The following KCNAB1 variants were observed in gnomAD, a reference collection of about 807,000 sequenced individuals.
KCNAB1 encodes the protein voltage-gated potassium channel subunit beta-1.
In KCNAB1, 35 loss-of-function variants were observed where a neutral mutation model predicts 64.6. The ratio of observed to expected loss-of-function variants is 0.54; its 90% CI spans 0.41 to 0.72. KCNAB1 has a LOEUF of 0.72. KCNAB1 is among the 30% of genes least tolerant of loss of function. The pLI, the probability that KCNAB1 is intolerant of heterozygous loss-of-function variation, is 0.00. For synonymous variants in KCNAB1, 177 were observed against 183.8 expected (o/e 0.96, Z 0.30); for missense variants, 401 against 512.9 (o/e 0.78, Z 2.11).
intron 8 of KCNAB1, among the ~76,000 whole-genome samples, chr3:156,495,325 T>A (rs1715936218): frequency 6.6e-6 from 1 of 152,124 alleles, no homozygotes. Context: ...GCATGGCAAT[T>A]TCTCAAAGAC....
chr3:156,223,054 C>G (rs901540547), intron 1 of KCNAB1, among the ~76,000 whole-genome samples: 1 of 152,184 alleles, frequency 6.6e-6, no homozygotes, highest in Non-Finnish European at 1.5e-5. Flanking sequence ...AATGAAGCCA[C>G]GGACCCTCAC....
chr3:156,291,997 C>T (rs79750297), intron 1 of KCNAB1: 6 of 1,614,056 alleles, frequency 3.7e-6, no homozygotes, highest in African/African-American at 1.3e-5. Context: ...CCACCGCCCC[C>T]AATGTGGTGA....
chr3:156,525,841 A>G (rs1028080222), intron 12 of KCNAB1, among the ~76,000 whole-genome samples: 1 of 152,252 alleles, frequency 6.6e-6, no homozygotes, highest in Non-Finnish European at 1.5e-5. Context: ...AAAAGTTTAT[A>G]AAGTAAAAAT....
At chr3:156,291,330 G>C in intron 1 of KCNAB1, 1 of 989,648 alleles carries the variant, frequency 1.0e-6, no homozygotes, top group Non-Finnish European at 1.2e-6. Flanking sequence ...CTGACAGCCG[G>C]AGTGGATGGA....
chr3:156,135,357 G>C (rs538289845), intron 1 of KCNAB1, among the ~76,000 whole-genome samples: 1 of 152,138 alleles, frequency 6.6e-6, no homozygotes, highest in African/African-American at 2.4e-5. Flanking sequence ...AACTCAGAGA[G>C]TATTCAAATC....
chr3:156,148,701 C>A (rs190855700), intron 1 of KCNAB1, among the ~76,000 whole-genome samples: 3 of 152,298 alleles, frequency 2.0e-5, no homozygotes, highest in East Asian at 3.9e-4. Context: ...TTTAACCAAT[C>A]CTAGTAATCT....
chr3:156,361,144 C>T (rs181705327), intron 1 of KCNAB1, among the ~76,000 whole-genome samples: 120 of 152,242 alleles, frequency 7.9e-4, no homozygotes, highest in African/African-American at 2.7e-3. Flanking sequence ...CTTTACCGCC[C>T]TCATCATTCT....
At chr3:156,451,304 T>C (rs1711987344) in intron 2 of KCNAB1, among the ~76,000 whole-genome samples, 1 of 152,258 alleles carries the variant, frequency 6.6e-6, no homozygotes, top group Admixed American at 6.5e-5. Context: ...AAACAATTTA[T>C]ACCCTACTTT....
intron 1 of KCNAB1, among the ~76,000 whole-genome samples, chr3:156,337,420 C>T (rs1477756240): frequency 6.6e-6 from 1 of 151,878 alleles, no homozygotes; most frequent in Non-Finnish European, 1.5e-5. Flanking sequence ...CTGTATCTTC[C>T]TCCTCATTCC....
chr3:156,325,943 C>G (rs1722946443), intron 1 of KCNAB1, among the ~76,000 whole-genome samples: 1 of 152,090 alleles, frequency 6.6e-6, no homozygotes, highest in Non-Finnish European at 1.5e-5. Flanking sequence ...AAAAAGGATA[C>G]CCATAAGATA....
chr3:156,204,596 C>T (rs986338927), intron 1 of KCNAB1, among the ~76,000 whole-genome samples: 7 of 151,460 alleles, frequency 4.6e-5, no homozygotes, highest in African/African-American at 4.9e-5. Context: ...TTTGGGAGGC[C>T]GAGGCGGGTG....
At chr3:156,482,910 CAGGTTATCCTAG>C (rs1403231180) in intron 8 of KCNAB1, among the ~76,000 whole-genome samples, 2 of 152,034 alleles carry the variant, frequency 1.3e-5, no homozygotes, top group African/African-American at 2.4e-5. Context: ...GGTCTACTAC[CAGGTTATCCTAG>C]AGGTCTCAAA....
chr3:156,360,129 A>C (rs1247364078), intron 1 of KCNAB1, among the ~76,000 whole-genome samples: 2 of 152,270 alleles, frequency 1.3e-5, no homozygotes, highest in African/African-American at 4.8e-5. Flanking sequence ...GAAAATGTTC[A>C]TAATTTATTG....
chr3:156,467,949 G>A (rs922864521), intron 7 of KCNAB1, among the ~76,000 whole-genome samples: 1 of 151,834 alleles, frequency 6.6e-6, no homozygotes, highest in Non-Finnish European at 1.5e-5. Context: ...TCTTTTTCTG[G>A]AAATTCACTC....
chr3:156,144,117 T>C (rs1714900682), intron 1 of KCNAB1, among the ~76,000 whole-genome samples: 2 of 152,180 alleles, frequency 1.3e-5, no homozygotes, highest in South Asian at 2.1e-4. Context: ...GAGCAATTAT[T>C]GCTCCTGCAC....
At chr3:156,493,198 A>G (rs568923218) in intron 8 of KCNAB1, among the ~76,000 whole-genome samples, 7 of 152,230 alleles carry the variant, frequency 4.6e-5, no homozygotes, top group African/African-American at 1.4e-4. Flanking sequence ...AGATCCCTCC[A>G]GAAATATGCC....
chr3:156,329,040 C>T (rs1010346848), intron 1 of KCNAB1, among the ~76,000 whole-genome samples: 4 of 151,968 alleles, frequency 2.6e-5, no homozygotes, highest in African/African-American at 9.7e-5. Flanking sequence ...AGTTACAGTG[C>T]GGTTTAAAAA....
rs1036551563 is a variant in KCNAB1 at position 156,520,417 on chromosome 3, C to A, written c.961-3410C>A. On this transcript the variant is annotated intron_variant, in intron 11 of 13. Transcript: ENST00000490337. Reference sequence around the variant, plus strand: ...GCAAAATGACGAAACCCCATCTCTACAAAAATACAAAAAATTAGCCAGGTA... The same window carrying A: ...GCAAAATGACGAAACCCCATCTCTAAAAAAATACAAAAAATTAGCCAGGTA... Among the ~76,000 whole-genome samples, 9 of 152,030 alleles carry A rather than the reference C, an allele frequency of 5.9e-5. No individual in the cohort carries two copies. The South Asian group carries it at 6.3e-4, about 11-fold the overall frequency.
At position 156,439,641 on chromosome 3, in the gene KCNAB1, G is replaced by GT. The variant is rs893880603; in HGVS notation, c.320-13257dup. 2.6e-4 allele frequency among the ~76,000 whole-genome samples: 39 copies of GT among 152,122 alleles called. 1 individual carries two copies. Among genetic ancestry groups the GT allele is most frequent in the African/African-American group, 8.9e-4 (37 of 41,400 alleles). On this transcript the variant is annotated intron_variant, in intron 2 of 13. Coordinates refer to ENST00000490337, the MANE Select transcript of KCNAB1 (RefSeq NM_172160.3). Reference sequence around the variant, plus strand: ...TAACAGAAAGTTCTACTCTCTTATCGTAAGCAGTCCTGAGGTTTGGGCCAA... The same window carrying GT: ...TAACAGAAAGTTCTACTCTCTTATCGTTAAGCAGTCCTGAGGTTTGGGCCAA...
Sources: gnomAD v4.1 joint callset for allele counts (sites outside exome capture counted in the v4.1 genomes callset) on GRCh38, gnomAD v4.1.1 for gene constraint, MANE v1.5 for transcripts, NCBI Gene and HGNC (gene_info 2026-07-23, HGNC 2026-07-21) for gene names.